The following UGT8 variants were observed in gnomAD, a reference collection of about 807,000 sequenced individuals.
The protein encoded by UGT8 is UDP glycosyltransferase 8, also known as 2-hydroxyacylsphingosine 1-beta-galactosyltransferase.
In UGT8, 12 loss-of-function variants were observed where a neutral mutation model predicts 40.5. The ratio of observed to expected loss-of-function variants is 0.30; its 90% CI spans 0.19 to 0.48. The LOEUF is 0.48. Among genes scored for constraint, UGT8 ranks in the 20% least tolerant of loss-of-function variants. UGT8 has a pLI of 0.99. For synonymous variants in UGT8, 224 were observed against 240.4 expected, an observed-to-expected ratio of 0.93 and a Z score of 0.63; for missense variants, 513 against 648.7, an observed-to-expected ratio of 0.79 and a Z score of 2.27.
rs1235529677 is a variant in UGT8 at position 114,598,980 on chromosome 4, C to G, written c.-3+6C>G. ...CGGGGCAGCCAAGAGACGAGGTGAG[C>G]GGAGGGACCACGCCGTTCCAGAGGG... On this transcript the variant is annotated splice_donor_region_variant and intron_variant, in intron 1 of 5. Coordinates refer to ENST00000310836, the MANE Select transcript of UGT8 (RefSeq NM_001128174.3). 1 of 151,324 alleles carries G rather than the reference C, an allele frequency of 6.6e-6. No homozygotes were observed. Among genetic ancestry groups the G allele is most frequent in the African/African-American group, 2.4e-5 (1 of 41,086 alleles). 9.4% of individuals were successfully genotyped at this position (151,324 alleles called of 1,614,324 possible).
chr4:114,652,885 TAAGATA>T (rs1189227796), intron 2 of UGT8, among the ~76,000 whole-genome samples: 1 of 152,024 alleles, frequency 6.6e-6, no homozygotes, highest in Non-Finnish European at 1.5e-5. Flanking sequence ...AGGAAAAGAA[TAAGATA>T]TATTTTTAAA....
chr4:114,631,532 T>C (rs1732576560), intron 2 of UGT8, among the ~76,000 whole-genome samples: 1 of 152,210 alleles, frequency 6.6e-6, no homozygotes, highest in South Asian at 2.1e-4. Flanking sequence ...TTGTATCCTT[T>C]GTATTTTCCT....
In UGT8 at chr4:114,666,634, CCTGA is replaced by C. The variant is rs1246551663; in HGVS notation, c.1042+881_1042+884del. 5.3e-5 allele frequency among the ~76,000 whole-genome samples: 8 copies of C among 152,234 alleles called. No homozygotes were observed. The Middle Eastern group carries it at 0.01, about 194-fold the overall frequency. On this transcript the variant is annotated intron_variant, in intron 4 of 5. Transcript: ENST00000310836. ...GAAGCAGGAAGTTTAAGTGAGATAA[CCTGA>C]CTATCAACTATTTCAGTGCGACAGT...
At chr4:114,640,901 G>C (rs1319376397) in intron 2 of UGT8, among the ~76,000 whole-genome samples, 1 of 152,084 alleles carries the variant, frequency 6.6e-6, no homozygotes, top group Non-Finnish European at 1.5e-5. Flanking sequence ...TTTGGGTGGG[G>C]ACACAGCCAA....
At chr4:114,645,086 A>C (rs760267369) in intron 2 of UGT8, among the ~76,000 whole-genome samples, 16 of 152,184 alleles carry the variant, frequency 1.1e-4, no homozygotes, top group Non-Finnish European at 2.9e-5. Flanking sequence ...AATATAAGGA[A>C]ACTTTGAGGG....
At chr4:114,674,085 T>C (rs760076196) in intron 5 of UGT8, among the ~76,000 whole-genome samples, 2 of 152,224 alleles carry the variant, frequency 1.3e-5, no homozygotes, top group African/African-American at 4.8e-5. Context: ...TAAAACTTAA[T>C]GTTTAGGTCT....
At chr4:114,630,107 C>T (rs1732478461) in intron 2 of UGT8, among the ~76,000 whole-genome samples, 1 of 151,372 alleles carries the variant, frequency 6.6e-6, no homozygotes, top group African/African-American at 2.4e-5. Flanking sequence ...TTTGTCAGAT[C>T]TATTTCTGAG....
intron 1 of UGT8, among the ~76,000 whole-genome samples, chr4:114,609,191 G>A (rs1730899716): frequency 6.6e-6 from 1 of 152,072 alleles, no homozygotes; most frequent in Admixed American, 6.6e-5. Context: ...GTGCTGTGGA[G>A]ATCGTGCCTA....
intron 2 of UGT8, among the ~76,000 whole-genome samples, chr4:114,639,290 T>C (rs937311302): frequency 6.6e-6 from 1 of 152,218 alleles, no homozygotes; most frequent in African/African-American, 2.4e-5. Flanking sequence ...TATCAGGACC[T>C]ATTCCAGTCA....
chr4:114,598,475 A>C (rs936066546), upstream of UGT8: 1 of 152,216 alleles, frequency 6.6e-6, no homozygotes, highest in African/African-American at 2.4e-5. Context: ...CGCTCAGCGG[A>C]CGACTGGCCG....
intron 2 of UGT8, among the ~76,000 whole-genome samples, chr4:114,658,683 T>C (rs1734335531): frequency 6.8e-6 from 1 of 147,748 alleles, no homozygotes. Context: ...CATTGGGATG[T>C]GTTTTACATT....
chr4:114,671,967 A>G (rs1357719827), intron 5 of UGT8, among the ~76,000 whole-genome samples: 1 of 152,244 alleles, frequency 6.6e-6, no homozygotes, highest in Non-Finnish European at 1.5e-5. Flanking sequence ...GAACTTAAAC[A>G]TATTTACAAG....
At chr4:114,604,474 C>CTTTT (rs1285981571) in intron 1 of UGT8, among the ~76,000 whole-genome samples, 8 of 103,630 alleles carry the variant, frequency 7.7e-5, no homozygotes, top group East Asian at 2.9e-4. Context: ...TTTTTTTTTC[C>CTTTT]CCCAATTAAG....
intron 2 of UGT8, among the ~76,000 whole-genome samples, chr4:114,644,252 A>G (rs1041871940): frequency 1.1e-4 from 17 of 152,258 alleles, no homozygotes; most frequent in African/African-American, 3.6e-4. Flanking sequence ...GTAGAGTGCT[A>G]TAATTAATTA....
chr4:114,642,232 T>A (rs1733269402), intron 2 of UGT8, among the ~76,000 whole-genome samples: 2 of 152,128 alleles, frequency 1.3e-5, no homozygotes, highest in African/African-American at 4.8e-5. Flanking sequence ...TTTTAGCGAT[T>A]TATATCTTTG....
At chr4:114,622,251 A>T (rs1731853289) in intron 1 of UGT8, 1 of 151,208 alleles carries the variant, frequency 6.6e-6, no homozygotes, top group Admixed American at 6.6e-5. Context: ...GATGATTTCC[A>T]ATTTCATCCA....
At chr4:114,640,803 A>T (rs1024597758) in intron 2 of UGT8, among the ~76,000 whole-genome samples, 1 of 152,184 alleles carries the variant, frequency 6.6e-6, no homozygotes, top group Non-Finnish European at 1.5e-5. Context: ...ATTCACTATC[A>T]TGAGAACAGC....
At chr4:114,620,449 A>G (rs1731714693) in intron 1 of UGT8, among the ~76,000 whole-genome samples, 1 of 152,234 alleles carries the variant, frequency 6.6e-6, no homozygotes, top group Admixed American at 6.5e-5. Flanking sequence ...AGAGACACAT[A>G]GGTGAGGCAG....
At chr4:114,669,220 A>T (rs970200109) in intron 5 of UGT8, among the ~76,000 whole-genome samples, 3 of 152,132 alleles carry the variant, frequency 2.0e-5, no homozygotes, top group Non-Finnish European at 4.4e-5. Flanking sequence ...CTCAGGGGTG[A>T]CCTTCATGCT....
Sources: gnomAD v4.1 joint callset for allele counts (sites outside exome capture counted in the v4.1 genomes callset) on GRCh38, gnomAD v4.1.1 for gene constraint, MANE v1.5 for transcripts, NCBI Gene and HGNC (gene_info 2026-07-23, HGNC 2026-07-21) for gene names.